The following SNTG1 variants were observed in gnomAD, a reference collection of about 807,000 sequenced individuals.
SNTG1 encodes the protein gamma-1-syntrophin.
A neutral mutation model predicts 74.7 loss-of-function variants in SNTG1; 39 were observed. The ratio of observed to expected loss-of-function variants is 0.52; its 90% confidence interval spans 0.40 to 0.68. The LOEUF (loss-of-function observed/expected upper bound fraction) is 0.68, where lower values mean the gene tolerates loss of function less well. Among genes scored for constraint, SNTG1 ranks in the 30% least tolerant of loss-of-function variants. SNTG1 has a pLI of 0.00. For missense variants in SNTG1, 685 were observed against 609.5 expected (o/e 1.12, Z -1.30); for synonymous variants, 254 against 217.1 (o/e 1.17, Z -1.49).
At chr8:50,458,906 G>T (rs1383819) in intron 8 of SNTG1, among the ~76,000 whole-genome samples, 95,701 of 152,030 alleles carry the variant, frequency 0.63, 32,838 homozygotes, top group Non-Finnish European at 0.77. Context: ...GAAGCTTAAA[G>T]GTTTTGACTG....
chr8:50,756,631 CTGTT>C (rs533191722), intron 18 of SNTG1, among the ~76,000 whole-genome samples: 227 of 151,814 alleles, frequency 1.5e-3, no homozygotes, highest in African/African-American at 5.0e-3. Flanking sequence ...ATCTATTTGT[CTGTT>C]TCTTTCCTAA....
intron 8 of SNTG1, among the ~76,000 whole-genome samples, chr8:50,463,207 G>A (rs2093582168): frequency 6.6e-6 from 1 of 152,076 alleles, no homozygotes; most frequent in Non-Finnish European, 1.5e-5. Flanking sequence ...AGTCCTCCAT[G>A]GGGGTTAGAA....
chr8:50,356,311 G>T (rs542025468), intron 2 of SNTG1, among the ~76,000 whole-genome samples: 1 of 152,112 alleles, frequency 6.6e-6, no homozygotes, highest in South Asian at 2.1e-4. Flanking sequence ...CTCCCTTCAG[G>T]ATTCCTAATA....
intron 1 of SNTG1, among the ~76,000 whole-genome samples, chr8:50,000,804 C>A (rs1015022894): frequency 1.3e-5 from 2 of 152,172 alleles, no homozygotes; most frequent in African/African-American, 4.8e-5. Flanking sequence ...TCCTATAGAT[C>A]TGGACAAGAG....
intron 2 of SNTG1, among the ~76,000 whole-genome samples, chr8:50,240,994 A>G (rs2086140271): frequency 6.6e-6 from 1 of 152,178 alleles, no homozygotes; most frequent in South Asian, 2.1e-4. Flanking sequence ...AACCTTGATA[A>G]ATTCAAACAA....
chr8:50,379,424 CA>C (rs1453369702), intron 2 of SNTG1, among the ~76,000 whole-genome samples: 1 of 152,118 alleles, frequency 6.6e-6, no homozygotes. Flanking sequence ...GATGGGGGGT[CA>C]GGGGCAGGGC....
chr8:50,689,784 C>T (rs1191713934), intron 15 of SNTG1, among the ~76,000 whole-genome samples: 1 of 152,110 alleles, frequency 6.6e-6, no homozygotes, highest in African/African-American at 2.4e-5. Flanking sequence ...GGGAGGATTC[C>T]CTCTTTTTCT....
intron 15 of SNTG1, among the ~76,000 whole-genome samples, chr8:50,693,578 A>G (rs1177991024): frequency 2.0e-5 from 3 of 152,180 alleles, no homozygotes; most frequent in African/African-American, 7.2e-5. Flanking sequence ...ATTAATAAGG[A>G]AATACTGGAT....
chr8:50,690,147 T>C (rs1171258719), intron 15 of SNTG1, among the ~76,000 whole-genome samples: 3 of 152,186 alleles, frequency 2.0e-5, no homozygotes, highest in Non-Finnish European at 4.4e-5. Flanking sequence ...TTTTTCTTCT[T>C]TATTAGTCTT....
chr8:49,945,276 G>T (rs1401266731), intron 1 of SNTG1, among the ~76,000 whole-genome samples: 2 of 152,138 alleles, frequency 1.3e-5, no homozygotes, highest in African/African-American at 2.4e-5. Flanking sequence ...CAGACTGTTA[G>T]AATCTATGGC....
At chr8:50,571,564 A>G (rs1454599128) in intron 12 of SNTG1, among the ~76,000 whole-genome samples, 1 of 152,172 alleles carries the variant, frequency 6.6e-6, no homozygotes, top group East Asian at 1.9e-4. Flanking sequence ...CTCCCACTTC[A>G]TATTTGTTTT....
chr8:50,661,839 A>C (rs2095225443), intron 15 of SNTG1, among the ~76,000 whole-genome samples: 1 of 152,140 alleles, frequency 6.6e-6, no homozygotes, highest in African/African-American at 2.4e-5. Flanking sequence ...GTATGTAATC[A>C]AGGAAGTCCC....
At chr8:50,282,513 T>G in intron 2 of SNTG1, among the ~76,000 whole-genome samples, 1 of 152,172 alleles carries the variant, frequency 6.6e-6, no homozygotes, top group East Asian at 1.9e-4. Flanking sequence ...TTTAGCCAGG[T>G]GCTAGACCAT....
chr8:50,528,182 C>T (rs1022190733), intron 9 of SNTG1, among the ~76,000 whole-genome samples: 3 of 151,934 alleles, frequency 2.0e-5, no homozygotes, highest in African/African-American at 4.8e-5. Context: ...TTTTTAACAA[C>T]GTGTTAAGGG....
intron 2 of SNTG1, among the ~76,000 whole-genome samples, chr8:50,185,823 TTTTA>T (rs1360237794): frequency 6.6e-6 from 1 of 151,958 alleles, no homozygotes; most frequent in Admixed American, 6.6e-5. Context: ...TTGTTTTTTA[TTTTA>T]TTTATTTTTT....
chr8:50,452,521 C>T (rs1362312764), intron 8 of SNTG1, among the ~76,000 whole-genome samples: 1 of 152,136 alleles, frequency 6.6e-6, no homozygotes, highest in Non-Finnish European at 1.5e-5. Flanking sequence ...TGCAATTTGC[C>T]CTTCAGAGGC....
At chr8:50,100,107 C>A (rs766421356) in intron 1 of SNTG1, among the ~76,000 whole-genome samples, 1 of 151,830 alleles carries the variant, frequency 6.6e-6, no homozygotes, top group Admixed American at 6.6e-5. Context: ...TCCTGTCATT[C>A]GAGACAACAT....
At chr8:50,317,575 C>T (rs749468375) in intron 2 of SNTG1, among the ~76,000 whole-genome samples, 1 of 152,134 alleles carries the variant, frequency 6.6e-6, no homozygotes, top group Non-Finnish European at 1.5e-5. Flanking sequence ...CGTGTTAGCA[C>T]AAACAGAAAC....
Position 50,394,236 on chromosome 8 carries a change from C to T in SNTG1, c.-3C>T. On this transcript the variant is annotated 5_prime_UTR_variant, in exon 3 of 19. Coordinates refer to ENST00000642720, the MANE Select transcript of SNTG1 (RefSeq NM_018967.5). ...GACGACATCCTTTGTGGTGCCACAG[C>T]ACATGGATTTCAGAACCGCCTGTGA... 1 of 1,613,018 alleles carries T rather than the reference C, an allele frequency of 6.2e-7. No individual in the cohort carries two copies. Among genetic ancestry groups the T allele is most frequent in the Non-Finnish European group, 8.5e-7 (1 of 1,179,374 alleles).
Sources: allele counts gnomAD v4.1 joint callset (sites outside exome capture counted in the v4.1 genomes callset), GRCh38; gene constraint gnomAD v4.1.1; transcripts MANE v1.5; gene names NCBI Gene and HGNC (gene_info 2026-07-23, HGNC 2026-07-21).